Variants in KALRN observed in about 807,000 individuals in gnomAD.
The protein encoded by KALRN is kalirin RhoGEF kinase.
Under a neutral mutation model 353.7 loss-of-function variants are expected in KALRN, and 70 were observed. The ratio of observed to expected loss-of-function variants is 0.20; its 90% CI spans 0.16 to 0.24. The LOEUF is 0.24. KALRN is among the 10% of genes least tolerant of loss of function. KALRN has a pLI of 1.00. For missense variants in KALRN, 2,791 were observed against 3,756.7 expected, an observed-to-expected ratio of 0.74 and a Z score of 6.72; for synonymous variants, 1,391 against 1,434.8, an observed-to-expected ratio of 0.97 and a Z score of 0.69.
At chr3:124,449,824 C>T (rs2058602190) in intron 21 of KALRN, among the ~76,000 whole-genome samples, 1 of 152,208 alleles carries the variant, frequency 6.6e-6, no homozygotes, top group Non-Finnish European at 1.5e-5. Flanking sequence ...TGGCTTACTT[C>T]CCCTAGCCTA....
intron 33 of KALRN, among the ~76,000 whole-genome samples, chr3:124,546,698 C>T (rs2069711798): frequency 6.6e-6 from 1 of 151,996 alleles, no homozygotes; most frequent in Admixed American, 6.6e-5. Flanking sequence ...TTAGATGCAG[C>T]TGAAAGGAGA....
In KALRN at chr3:124,091,479, C is replaced by T. The variant is rs994970217; in HGVS notation, c.73+57666C>T. On this transcript the variant is annotated intron_variant, in intron 1 of 59. Coordinates refer to ENST00000682506, the MANE Select transcript of KALRN (RefSeq NM_001388419.1). Reference sequence around the variant, plus strand: ...TGCTGCTTGCCTTCTGCTCTATACACTTGTGCTGGCTTTATCTGATTGGGA... The same window carrying T: ...TGCTGCTTGCCTTCTGCTCTATACATTTGTGCTGGCTTTATCTGATTGGGA... Among the ~76,000 whole-genome samples, 5 of 152,252 alleles carry T rather than the reference C, an allele frequency of 3.3e-5. No individual in the cohort carries two copies. The East Asian group carries it at 9.7e-4, about 29-fold the overall frequency.
At chr3:124,195,401 C>G (rs774645581) in intron 1 of KALRN, among the ~76,000 whole-genome samples, 3 of 152,170 alleles carry the variant, frequency 2.0e-5, no homozygotes, top group Non-Finnish European at 2.9e-5. Context: ...TACTTTGTTA[C>G]TGGTGGGGAA....
chr3:124,295,966 C>T (rs1192457956), intron 5 of KALRN, among the ~76,000 whole-genome samples: 1 of 152,164 alleles, frequency 6.6e-6, no homozygotes. Flanking sequence ...CAAATATCGA[C>T]CCAACCTCTA....
intron 38 of KALRN, among the ~76,000 whole-genome samples, chr3:124,654,986 T>A (rs1159502777): frequency 6.6e-6 from 1 of 152,212 alleles, no homozygotes; most frequent in Non-Finnish European, 1.5e-5. Context: ...CTGCATTAAA[T>A]GTGTGATTTT....
At chr3:124,328,562 C>T (rs6438838) in intron 7 of KALRN, among the ~76,000 whole-genome samples, 26,377 of 152,148 alleles carry the variant, frequency 0.17, 4,386 homozygotes, top group African/African-American at 0.44. Flanking sequence ...CTTCTGAGAT[C>T]TTAGCATGTA....
chr3:124,251,697 T>C (rs919781524), intron 3 of KALRN, among the ~76,000 whole-genome samples: 5 of 152,194 alleles, frequency 3.3e-5, no homozygotes, highest in African/African-American at 9.6e-5. Context: ...ATTTGTAGAA[T>C]ATTTTGTTTA....
chr3:124,111,805 T>C, intron 1 of KALRN, among the ~76,000 whole-genome samples: 1 of 152,206 alleles, frequency 6.6e-6, no homozygotes, highest in East Asian at 1.9e-4. Flanking sequence ...ATCAAAAATA[T>C]TAAAAAGATA....
intron 34 of KALRN, among the ~76,000 whole-genome samples, chr3:124,629,878 C>A (rs1239265945): frequency 1.3e-5 from 2 of 151,732 alleles, no homozygotes; most frequent in Admixed American, 6.6e-5. Context: ...GGTAAGAGGT[C>A]TGCGAAAATA....
intron 1 of KALRN, among the ~76,000 whole-genome samples, chr3:124,196,909 A>G (rs563383123): frequency 1.4e-3 from 190 of 133,186 alleles, no homozygotes; most frequent in African/African-American, 4.6e-3. Context: ...TGCTATCATT[A>G]TGCTCATTTA....
At position 124,384,902 on chromosome 3, in the gene KALRN, G is replaced by A. The variant is rs760808499; in HGVS notation, c.1828G>A (p.Gly610Arg). 1.2e-6 allele frequency: 2 copies of A among 1,613,226 alleles called. No individual in the cohort carries two copies. Among genetic ancestry groups the A allele is most frequent in the East Asian group, 2.2e-5 (1 of 44,834 alleles). The change falls in exon 11 of 60, where the codon GGG becomes AGG. Residue 610 changes from glycine to arginine, a missense_variant. Gly to Arg is a moderately radical substitution (Grantham distance 125, BLOSUM62 -2). Coordinates refer to ENST00000682506, the MANE Select transcript of KALRN (RefSeq NM_001388419.1). ...AGCAGCAGAGCAGTTGGCTCAGACG[G>A]GGGAATGTGACCCCGAGGAGATCTA... ...LEAAEQLAQTGECDPEEIYKA... is the reference protein window; with the variant it reads ...LEAAEQLAQTRECDPEEIYKA...
intron 34 of KALRN, among the ~76,000 whole-genome samples, chr3:124,622,344 G>A (rs1403559371): frequency 6.6e-6 from 1 of 152,182 alleles, no homozygotes; most frequent in African/African-American, 2.4e-5. Context: ...TGACCATCTA[G>A]ATAAAACAGG....
intron 50 of KALRN, 112 bp downstream of exon 50, chr3:124,678,425 G>A: frequency 8.7e-7 from 1 of 1,152,160 alleles, no homozygotes; most frequent in African/African-American, 1.6e-5. Context: ...CCCAGTATGG[G>A]TACCAGAGGG....
intron 9 of KALRN, 43 bp from the exon 10 acceptor site, chr3:124,347,100 T>A (rs967109322): frequency 1.9e-6 from 3 of 1,612,690 alleles, no homozygotes; most frequent in Non-Finnish European, 2.5e-6. Context: ...ATGTCTTTCC[T>A]TCTGCTAGAA....
intron 1 of KALRN, among the ~76,000 whole-genome samples, chr3:124,158,979 A>G (rs2069456459): frequency 6.6e-6 from 1 of 151,916 alleles, no homozygotes; most frequent in African/African-American, 2.4e-5. Context: ...GCCTGGACTC[A>G]GGGCCCTATA....
chr3:124,507,353 G>A (rs987950082), intron 33 of KALRN, among the ~76,000 whole-genome samples: 2 of 152,112 alleles, frequency 1.3e-5, no homozygotes, highest in Admixed American at 6.5e-5. Context: ...TATGTTCTCT[G>A]ACATTTAAAT....
At position 124,646,391 on chromosome 3, in the gene KALRN, C is replaced by CTTTTTTTTTTTTTTTTTTTTTTTTTTT. The variant is rs10673161; in HGVS notation, c.5665-4400_5665-4399insTTTTTTTTTTTTTTTTTTTTTTTTTTT. 9.2e-4 allele frequency among the ~76,000 whole-genome samples: 102 copies of CTTTTTTTTTTTTTTTTTTTTTTTTTTT among 110,434 alleles called. 10 individuals carry two copies. The highest frequency in any genetic ancestry group is 1.5e-3 in the South Asian group (5 of 3,354). 72.4% of individuals were successfully genotyped at this position (110,434 alleles called of 152,430 possible). A position where few individuals can be genotyped will look rare whatever the true frequency, so the allele number is the denominator to read the frequency against. ...GACTGCTAGAGGGATCTTTTGTTTA[C>CTTTTTTTTTTTTTTTTTTTTTTTTTTT]TTTTTTTTTTTTTTTTTGAGACAGA... On this transcript the variant is annotated intron_variant, in intron 37 of 59. Coordinates refer to ENST00000682506, the MANE Select transcript of KALRN (RefSeq NM_001388419.1).
intron 34 of KALRN, among the ~76,000 whole-genome samples, chr3:124,568,342 A>G (rs2073104458): frequency 6.6e-6 from 1 of 152,268 alleles, no homozygotes; most frequent in Admixed American, 6.5e-5. Flanking sequence ...AAATGTGCAC[A>G]CACAGAAAAT....
In KALRN at chr3:124,717,286, T is replaced by G. The variant is rs781723516; in HGVS notation, c.8316T>G (p.His2772Gln). Residue 2772 changes from histidine (H) to glutamine (Q), a missense_variant, in exon 59 of 60, where the codon CAT becomes CAG. His to Gln is a conservative substitution (Grantham distance 24). Coordinates refer to ENST00000682506, the MANE Select transcript of KALRN (RefSeq NM_001388419.1). ...GGCTCTTAGACTACCTTATGAATCA[T>G]GATGAACTGATGGAGGAAAAAGTAG... ...DGRLLDYLMN[H>Q]DELMEEKVAF... 2.0e-5 allele frequency: 32 copies of G among 1,613,086 alleles called. No individual in the cohort carries two copies. The highest frequency in any genetic ancestry group is 2.7e-5 in the African/African-American group (2 of 74,906).
Sources: allele counts gnomAD v4.1 joint callset (sites outside exome capture counted in the v4.1 genomes callset), GRCh38; gene constraint gnomAD v4.1.1; transcripts MANE v1.5; gene names NCBI Gene and HGNC (gene_info 2026-07-23, HGNC 2026-07-21).